DLG1: variants seen among roughly 807,000 people sequenced by gnomAD.
DLG1 encodes the protein disks large homolog 1.
DLG1 carries 42 observed loss-of-function variants against 123.4 expected under a neutral mutation model. The ratio of observed to expected loss-of-function variants is 0.34; its 90% confidence interval spans 0.27 to 0.44. The LOEUF (loss-of-function observed/expected upper bound fraction) is 0.44. DLG1 is among the 20% of genes least tolerant of loss of function. DLG1 has a pLI of 1.00. For synonymous variants in DLG1, 317 were observed against 356.2 expected, an observed-to-expected ratio of 0.89 and a Z score of 1.24; for missense variants, 942 against 1,082.6, an observed-to-expected ratio of 0.87 and a Z score of 1.82.
At chr3:197,215,937 G>C (rs1733912446) in intron 4 of DLG1, among the ~76,000 whole-genome samples, 1 of 152,030 alleles carries the variant, frequency 6.6e-6, no homozygotes, top group South Asian at 2.1e-4. Flanking sequence ...CTATTAGTTT[G>C]TATCTACTCA....
At chr3:197,152,967 T>C (rs1794702178) in intron 5 of DLG1, among the ~76,000 whole-genome samples, 1 of 152,154 alleles carries the variant, frequency 6.6e-6, no homozygotes. Context: ...TATTTTAAAA[T>C]AGGTCAAAAT....
chr3:197,212,113 G>A (rs1441642697), intron 4 of DLG1, among the ~76,000 whole-genome samples: 1 of 146,124 alleles, frequency 6.8e-6, no homozygotes, highest in African/African-American at 2.4e-5. Flanking sequence ...GGAGGGAGAG[G>A]AGCAGAAAAG....
chr3:197,051,267 G>A (rs1247683228), intron 24 of DLG1, among the ~76,000 whole-genome samples: 1 of 148,536 alleles, frequency 6.7e-6, no homozygotes, highest in Non-Finnish European at 1.5e-5. Flanking sequence ...CAGCCACTCG[G>A]GAGGCTGAGG....
At chr3:197,192,523 C>T (rs564053286) in intron 5 of DLG1, among the ~76,000 whole-genome samples, 1 of 151,938 alleles carries the variant, frequency 6.6e-6, no homozygotes, top group Admixed American at 6.5e-5. Context: ...AGAACTGTTT[C>T]TGCCACTAAC....
At chr3:197,070,652 C>A (rs1743237373) in intron 18 of DLG1, 2 of 147,086 alleles carry the variant, frequency 1.4e-5, no homozygotes. Context: ...ACTGCAACCT[C>A]TGCCTCCTAG....
chr3:197,127,820 G>T (rs1250516581), intron 11 of DLG1, among the ~76,000 whole-genome samples: 1 of 151,900 alleles, frequency 6.6e-6, no homozygotes, highest in Admixed American at 6.6e-5. Flanking sequence ...GTTTCCCAGT[G>T]CATGTACAAG....
At chr3:197,076,031 A>G (rs1747023640) in intron 18 of DLG1, among the ~76,000 whole-genome samples, 2 of 152,238 alleles carry the variant, frequency 1.3e-5, no homozygotes. Context: ...GAACTTTGAA[A>G]TGAGCTAGCT....
chr3:197,147,438 ACACACACAC>A (rs1359358337), intron 6 of DLG1, among the ~76,000 whole-genome samples: 1 of 45,420 alleles, frequency 2.2e-5, no homozygotes, highest in Non-Finnish European at 4.7e-5. Flanking sequence ...GTGTGCACAC[ACACACACAC>A]ACACACACAC....
At chr3:197,090,405 A>G (rs889403808) in intron 15 of DLG1, among the ~76,000 whole-genome samples, 3 of 152,072 alleles carry the variant, frequency 2.0e-5, no homozygotes, top group Non-Finnish European at 2.9e-5. Context: ...GGAAAATAAC[A>G]TATTTGCCTT....
At chr3:197,065,249 A>G in intron 22 of DLG1, 27 bp downstream of exon 22, 1 of 1,573,232 alleles carries the variant, frequency 6.4e-7, no homozygotes, top group Non-Finnish European at 8.6e-7. Context: ...ATTAGAAGCT[A>G]TATTCTGGGA....
intron 18 of DLG1, among the ~76,000 whole-genome samples, chr3:197,071,362 T>C (rs968144097): frequency 1.3e-5 from 2 of 151,910 alleles, no homozygotes; most frequent in African/African-American, 4.8e-5. Flanking sequence ...ATCTGATATT[T>C]ATATAATAAA....
At chr3:197,065,532 A>G in intron 21 of DLG1, 84 bp from the exon 22 acceptor site, 1 of 1,236,176 alleles carries the variant, frequency 8.1e-7, no homozygotes, top group South Asian at 1.5e-5. Context: ...ATCGTTTTGT[A>G]AAGTTCAACA....
intron 18 of DLG1, among the ~76,000 whole-genome samples, chr3:197,076,036 C>T (rs1747027531): frequency 1.3e-5 from 2 of 152,160 alleles, no homozygotes; most frequent in African/African-American, 4.8e-5. Flanking sequence ...TTGAAATGAG[C>T]TAGCTGCTAA....
intron 4 of DLG1, among the ~76,000 whole-genome samples, chr3:197,218,718 A>G (rs868086961): frequency 7.2e-5 from 11 of 152,240 alleles, no homozygotes; most frequent in Non-Finnish European, 8.8e-5. Flanking sequence ...TTAAAATAAC[A>G]ATGTAAATTA....
At chr3:197,231,446 A>C (rs1239888146) in intron 4 of DLG1, among the ~76,000 whole-genome samples, 1 of 152,174 alleles carries the variant, frequency 6.6e-6, no homozygotes, top group Non-Finnish European at 1.5e-5. Context: ...TTACACCTAT[A>C]ATCCCAACAC....
intron 18 of DLG1, among the ~76,000 whole-genome samples, chr3:197,071,401 GTCTTT>G (rs1294164132): frequency 5.1e-5 from 6 of 118,692 alleles, no homozygotes; most frequent in African/African-American, 1.9e-4. Flanking sequence ...TCTCTTCACT[GTCTTT>G]TTTTTTTTTT....
At chr3:197,225,900 A>G (rs1739634998) in intron 4 of DLG1, 1 of 152,628 alleles carries the variant, frequency 6.6e-6, no homozygotes, top group Non-Finnish European at 1.5e-5. Flanking sequence ...GGAGCATGCT[A>G]CTTTACAGTG....
rs1312100430 is a variant in DLG1, at chr3:197,090,953, T to C, written c.1620A>G (p.Ser540=). Residue 540 remains serine (S), a synonymous_variant, in exon 15 of 25, where the codon TCA becomes TCG. Transcript: ENST00000667157. ...QMMNSSISSG[S]GSLRTSQKRS... ...GCTTCTGGCTAGTTCGAAGAGAACC[T>C]GACCCTGAACTAATACTACTATTCA... 2 of 1,611,854 alleles carry C rather than the reference T, an allele frequency of 1.2e-6. No homozygotes were observed. Among genetic ancestry groups the C allele is most frequent in the Admixed American group, 1.7e-5 (1 of 59,992 alleles).
chr3:197,075,933 T>A (rs1281538037), intron 18 of DLG1: 3 of 1,469,342 alleles, frequency 2.0e-6, no homozygotes, highest in Non-Finnish European at 2.8e-6. Flanking sequence ...TAGTTGTCAG[T>A]AATGCATAAA....
Sources: allele counts gnomAD v4.1 joint callset (sites outside exome capture counted in the v4.1 genomes callset), GRCh38; gene constraint gnomAD v4.1.1; transcripts MANE v1.5; gene names NCBI Gene and HGNC (gene_info 2026-07-23, HGNC 2026-07-21).